EHMT1: variants seen among roughly 807,000 people sequenced by gnomAD.
The protein encoded by EHMT1 is histone-lysine N-methyltransferase EHMT1.
In EHMT1, 15 loss-of-function variants were observed where a neutral mutation model predicts 147.2. The observed-to-expected ratio is 0.10, with a 90% CI of 0.07 to 0.16. The LOEUF is 0.16. EHMT1 is among the 10% of genes least tolerant of loss of function. EHMT1 has a pLI of 1.00. For missense variants in EHMT1, 1,587 were observed against 1,772.4 expected (o/e 0.90, Z 1.88); for synonymous variants, 795 against 709.6 (o/e 1.12, Z -1.91).
At chr9:137,700,353 C>G (rs1394112665) in intron 1 of EHMT1, among the ~76,000 whole-genome samples, 1 of 152,094 alleles carries the variant, frequency 6.6e-6, no homozygotes, top group Non-Finnish European at 1.5e-5. Flanking sequence ...AACTTTTTTC[C>G]CCTTAAGTTT....
Position 137,835,091 on chromosome 9 carries a change from G to A in EHMT1, c.*138G>A, listed in dbSNP as rs2133165393. On this transcript the variant is annotated 3_prime_UTR_variant, in exon 27 of 27. Coordinates refer to ENST00000460843, the MANE Select transcript of EHMT1 (RefSeq NM_024757.5). ...CCGGCTTCCTGGAGGGGTCGGAGGT[G>A]AGGCTGCAGCCCCTGCGGGCGGGTG... 1 of 1,067,052 alleles carries A rather than the reference G, an allele frequency of 9.4e-7. No individual in the cohort carries two copies. The highest frequency in any genetic ancestry group is 4.1e-5 in the Admixed American group (1 of 24,152). The allele number at this position is 1,067,052 out of a possible 1,614,324, so 66.1% of individuals were successfully genotyped here. A position where few individuals can be genotyped will look rare whatever the true frequency, so the allele number is the denominator to read the frequency against.
Position 137,710,148 on chromosome 9 carries a change from A to AT in EHMT1, c.22-814dup, listed in dbSNP as rs1158476563. Among the ~76,000 whole-genome samples, 3 of 150,018 alleles carry AT rather than the reference A, an allele frequency of 2.0e-5. No individual in the cohort carries two copies. In the East Asian group the frequency reaches 5.8e-4, roughly 29 times the overall value. On this transcript the variant is annotated intron_variant, in intron 1 of 26. Transcript: ENST00000460843. ...GACTCTAAGCTTCTTGAAGGCAAGG[A>AT]TTTTTGTGTAAAAAAAAAAAAAAAA... is the stretch of plus-strand genomic sequence containing the variant.
intron 4 of EHMT1, chr9:137,728,733 T>A (rs1946843627): frequency 4.6e-6 from 3 of 655,232 alleles, no homozygotes; most frequent in East Asian, 2.7e-5. Context: ...ATGCCAGCAT[T>A]GATTTCCTAG....
intron 6 of EHMT1, among the ~76,000 whole-genome samples, chr9:137,744,665 C>G (rs1037015445): frequency 1.3e-5 from 2 of 152,258 alleles, no homozygotes; most frequent in African/African-American, 2.4e-5. Flanking sequence ...ATATTGCTGA[C>G]AGCTTGAAGT....
At chr9:137,759,851 T>C (rs1949668866) in intron 9 of EHMT1, among the ~76,000 whole-genome samples, 1 of 152,078 alleles carries the variant, frequency 6.6e-6, no homozygotes, top group Non-Finnish European at 1.5e-5. Context: ...GTGGTGTGTG[T>C]TTCAGATGGG....
At chr9:137,771,310 G>A (rs1470030564) in intron 10 of EHMT1, among the ~76,000 whole-genome samples, 1 of 145,622 alleles carries the variant, frequency 6.9e-6, no homozygotes, top group Non-Finnish European at 1.5e-5. Flanking sequence ...AGTAGTTCTT[G>A]TGCCTCAGCC....
chr9:137,688,857 C>A (rs1942684596), intron 1 of EHMT1, among the ~76,000 whole-genome samples: 1 of 152,202 alleles, frequency 6.6e-6, no homozygotes, highest in African/African-American at 2.4e-5. Flanking sequence ...TCTGCCCTGA[C>A]TGAACTGGTC....
chr9:137,791,509 G>A (rs1952524040), intron 16 of EHMT1, among the ~76,000 whole-genome samples: 1 of 152,134 alleles, frequency 6.6e-6, no homozygotes, highest in African/African-American at 2.4e-5. Context: ...TTCATTTACA[G>A]TAGCATCAAA....
At chr9:137,707,817 C>G (rs1038233140) in intron 1 of EHMT1, among the ~76,000 whole-genome samples, 2 of 152,120 alleles carry the variant, frequency 1.3e-5, no homozygotes, top group African/African-American at 4.8e-5. Context: ...AGCTGGTGCC[C>G]AAAAATGCCT....
At chr9:137,718,141 G>C (rs1266275779) in intron 3 of EHMT1, among the ~76,000 whole-genome samples, 1 of 147,182 alleles carries the variant, frequency 6.8e-6, no homozygotes, top group Non-Finnish European at 1.5e-5. Flanking sequence ...GGGCGCGCCT[G>C]CCCCTCACAC....
chr9:137,659,691 C>G (rs1310470861), intron 1 of EHMT1, among the ~76,000 whole-genome samples: 1 of 151,734 alleles, frequency 6.6e-6, no homozygotes, highest in African/African-American at 2.4e-5. Context: ...TAGCTGGGAC[C>G]ACCTACTACT....
chr9:137,687,508 A>G (rs913783704), intron 1 of EHMT1, among the ~76,000 whole-genome samples: 2 of 152,148 alleles, frequency 1.3e-5, no homozygotes, highest in African/African-American at 4.8e-5. Context: ...GAGTTCAGGT[A>G]GAGTTTAGGT....
rs60793475 is a variant in EHMT1, at chr9:137,650,506, G to T, written c.21+31457G>T. Among the ~76,000 whole-genome samples the T allele has an allele frequency of 5.3e-3, 809 of 152,162 alleles. 10 individuals are homozygous for T. Among genetic ancestry groups the T allele is most frequent in the African/African-American group, 0.018 (765 of 41,520 alleles). On this transcript the variant is annotated intron_variant, in intron 1 of 26. Coordinates refer to ENST00000460843, the MANE Select transcript of EHMT1 (RefSeq NM_024757.5). ...TTGCTGATGACTAATGATGTTGAACGTCTTTTCATGTTCTTATTGGCCATT... is the reference window on the plus strand; with the variant it reads ...TTGCTGATGACTAATGATGTTGAACTTCTTTTCATGTTCTTATTGGCCATT...
intron 1 of EHMT1, among the ~76,000 whole-genome samples, chr9:137,684,233 A>G (rs903136018): frequency 2.0e-5 from 3 of 152,002 alleles, no homozygotes; most frequent in African/African-American, 4.8e-5. Flanking sequence ...AGGTTTTGCC[A>G]TGTTGCCCAG....
chr9:137,656,600 T>C (rs1475833540), intron 1 of EHMT1, among the ~76,000 whole-genome samples: 1 of 152,044 alleles, frequency 6.6e-6, no homozygotes, highest in Non-Finnish European at 1.5e-5. Context: ...GCTGGGCCTG[T>C]GCTGTGGACT....
At chr9:137,716,379 A>G (rs1254338026) in intron 2 of EHMT1, among the ~76,000 whole-genome samples, 3 of 50,068 alleles carry the variant, frequency 6.0e-5, no homozygotes, top group African/African-American at 1.8e-4. Flanking sequence ...ATGGTGGGGG[A>G]GGAAGTTGTG....
intron 18 of EHMT1, among the ~76,000 whole-genome samples, chr9:137,801,326 T>G (rs1303027744): frequency 1.3e-5 from 2 of 152,146 alleles, no homozygotes; most frequent in African/African-American, 4.8e-5. Context: ...TTGTTTTTGT[T>G]TTTGTTTCTT....
intron 22 of EHMT1, chr9:137,815,436 C>T (rs965790377): frequency 5.9e-5 from 13 of 219,692 alleles, no homozygotes; most frequent in East Asian, 3.2e-4. Flanking sequence ...CCCTGGGCCC[C>T]GCGCCTCAGC....
chr9:137,729,875 G>A (rs1202456695), intron 4 of EHMT1, among the ~76,000 whole-genome samples: 1 of 152,132 alleles, frequency 6.6e-6, no homozygotes, highest in African/African-American at 2.4e-5. Context: ...AGTATACCGC[G>A]ACGCCGCTCT....
Sources: allele counts gnomAD v4.1 joint callset (sites outside exome capture counted in the v4.1 genomes callset), GRCh38; gene constraint gnomAD v4.1.1; transcripts MANE v1.5; gene names NCBI Gene and HGNC (gene_info 2026-07-23, HGNC 2026-07-21).